The following ARAP1 variants were observed in gnomAD, a reference collection of about 807,000 sequenced individuals.
The protein encoded by ARAP1 is arf-GAP with Rho-GAP domain, ANK repeat and PH domain-containing protein 1.
Under a neutral mutation model 172.2 loss-of-function variants are expected in ARAP1, and 76 were observed. The ratio of observed to expected loss-of-function variants is 0.44; its 90% CI spans 0.37 to 0.53. The LOEUF is 0.53. Ranked by LOEUF, ARAP1 falls within the 20% of genes least tolerant of loss-of-function variation. ARAP1 has a pLI of 0.00. For synonymous variants in ARAP1, 804 were observed against 803.3 expected, an observed-to-expected ratio of 1.00 and a Z score of -0.01; for missense variants, 1,686 against 1,977.5, an observed-to-expected ratio of 0.85 and a Z score of 2.80.
chr11:72,693,241 C>G lies in ARAP1; in HGVS notation c.3954+84G>C. 1 of 1,540,288 alleles carries G rather than the reference C, an allele frequency of 6.5e-7. No individual in the cohort carries two copies. Among genetic ancestry groups the G allele is most frequent in the South Asian group, 1.2e-5 (1 of 82,042 alleles). ...CTGAGAGCCTGTAACGGGAATATTT[C>G]CACTTGCAGACCAAGGGGAATCTCT... On this transcript the variant is annotated intron_variant, in intron 29 of 34. Coordinates refer to ENST00000393609, the MANE Select transcript of ARAP1 (RefSeq NM_001040118.3). The surrounding 1 kb of genome is among the most constrained non-coding windows in gnomAD (Gnocchi z 4.6).
intron 1 of ARAP1, among the ~76,000 whole-genome samples, chr11:72,740,327 T>C (rs989120424): frequency 2.0e-5 from 3 of 152,188 alleles, no homozygotes; most frequent in Admixed American, 2.0e-4. Flanking sequence ...CTAAGGGACA[T>C]GAAAGACCAA....
At chr11:72,751,520 A>G (rs1329023276) in intron 1 of ARAP1, among the ~76,000 whole-genome samples, 2 of 152,076 alleles carry the variant, frequency 1.3e-5, no homozygotes, top group Non-Finnish European at 2.9e-5. Flanking sequence ...GCGAACAGGT[A>G]TCATGAGTGC....
chr11:72,712,158 C>T, intron 7 of ARAP1, 38 bp downstream of exon 7: 2 of 1,531,190 alleles, frequency 1.3e-6, no homozygotes, highest in South Asian at 2.5e-5. Context: ...CCCACCCCCC[C>T]ATGCAGAGCA....
intron 7 of ARAP1, among the ~76,000 whole-genome samples, chr11:72,711,910 T>C (rs1857030512): frequency 6.6e-6 from 1 of 151,918 alleles, no homozygotes; most frequent in Admixed American, 6.6e-5. Flanking sequence ...TTGCCCAGAG[T>C]GGTCTCAAAC....
Position 72,702,982 on chromosome 11 carries a change from G to T in ARAP1, c.2090C>A (p.Ala697Asp). 2 of 1,570,582 alleles carry T rather than the reference G, an allele frequency of 1.3e-6. No homozygotes were observed. The highest frequency in any genetic ancestry group is 1.7e-6 in the Non-Finnish European group (2 of 1,158,982). Residue 697 changes from alanine to aspartate, a missense_variant, in exon 15 of 35, where the codon GCC becomes GAC. By Grantham distance (126) the Ala-to-Asp change is moderately radical. This residue lies in a region of ARAP1 where 688 missense variants were observed against 856.9 expected (regional missense o/e 0.80). Coordinates refer to ENST00000393609, the MANE Select transcript of ARAP1 (RefSeq NM_001040118.3). ...GINCFSGDPE[A>D]PTPLALAEQA... ...CTCTGCAAGAGCCAGGGGCGTGGGG[G>T]CCTCAGGGTCCCCCGAGAAGCAGTT...
chr11:72,730,512 C>A (rs994360725), intron 2 of ARAP1, among the ~76,000 whole-genome samples: 1 of 152,204 alleles, frequency 6.6e-6, no homozygotes, highest in Non-Finnish European at 1.5e-5. Context: ...GTCTGGTCAA[C>A]ATGGTAAAAT....
intron 13 of ARAP1, chr11:72,704,628 C>T: frequency 2.8e-6 from 1 of 360,118 alleles, no homozygotes; most frequent in South Asian, 4.4e-5. Flanking sequence ...GCTGCTGCCC[C>T]ACCCAGTTCC....
At chr11:72,689,906 A>G (rs1855866798) in intron 30 of ARAP1, among the ~76,000 whole-genome samples, 1 of 152,142 alleles carries the variant, frequency 6.6e-6, no homozygotes, top group African/African-American at 2.4e-5. Flanking sequence ...TAAGGAAGAA[A>G]CCTGTAGGCA....
In ARAP1 at chr11:72,699,361, C is replaced by T. The variant is rs1856368505; in HGVS notation, c.2438+56G>A. The T allele has an allele frequency of 6.2e-7, 1 of 1,608,500 alleles. No homozygotes were observed. The highest frequency in any genetic ancestry group is 2.2e-5 in the East Asian group (1 of 44,760). ...CTCTGGGTCTATTTCCCTGTCTCCC[C>T]AGTGGGGGATTGTACCTTATAGCAA... On this transcript the variant is annotated intron_variant, in intron 17 of 34. Transcript: ENST00000393609. This position sits in a 1 kb window ranked among gnomAD's most constrained non-coding sequence, Gnocchi z 4.2.
At chr11:72,722,467 A>G in intron 3 of ARAP1, 2 of 595,962 alleles carry the variant, frequency 3.4e-6, no homozygotes, top group Non-Finnish European at 4.2e-6. Flanking sequence ...AGGCCCTCAC[A>G]GGGTGGATGC....
intron 1 of ARAP1, among the ~76,000 whole-genome samples, chr11:72,740,757 G>A (rs1443833470): frequency 6.6e-6 from 1 of 152,102 alleles, no homozygotes; most frequent in East Asian, 1.9e-4. Flanking sequence ...AGCACAGAGC[G>A]CAGCCCTCAG....
Position 72,695,363 on chromosome 11 carries a change from T to G in ARAP1, c.3576+24A>C, listed in dbSNP as rs769385444. The stretch of plus-strand genomic sequence containing the variant: ...GGCCCAGCCTGATTCTCTAGCCCCT[T>G]GGCTTCTAGGTCCCAGCACCTACCT... On this transcript the variant is annotated intron_variant, in intron 26 of 34. Transcript: ENST00000393609. The surrounding 1 kb of genome is among the most constrained non-coding windows in gnomAD (Gnocchi z 4.4). 107 of 1,613,934 alleles carry G rather than the reference T, an allele frequency of 6.6e-5. No homozygotes were observed. Among genetic ancestry groups the G allele is most frequent in the Non-Finnish European group, 1.7e-6 (2 of 1,179,998 alleles).
intron 2 of ARAP1, among the ~76,000 whole-genome samples, chr11:72,730,772 GC>G (rs1246261488): frequency 1.3e-5 from 2 of 152,214 alleles, no homozygotes; most frequent in Non-Finnish European, 2.9e-5. Context: ...ACTGGCACCT[GC>G]CAGAATTGAC....
chr11:72,685,755 A>G (rs12802369), intron 34 of ARAP1, 74 bp from the exon 35 acceptor site: 833,846 of 1,586,100 alleles, frequency 0.53, 223,582 homozygotes, highest in Middle Eastern at 0.64. Flanking sequence ...AAGCTGCTGC[A>G]GCTGCTGCAG....
chr11:72,695,978 T>A lies in ARAP1; in HGVS notation c.3273-113A>T, dbSNP rs145460427. The A allele has an allele frequency of 1.6e-3, 2,146 of 1,314,422 alleles. 4 individuals are homozygous for A. The highest frequency in any genetic ancestry group is 2.0e-3 in the Non-Finnish European group (1,980 of 981,646). 81.4% of individuals were successfully genotyped at this position (1,314,422 alleles called of 1,614,324 possible). Reference sequence around the variant, plus strand: ...GGTCTGGTCAGAGGGGACCACTGTTTAACAGGGTAGGAACAGTTTTTCTGG... The same window carrying A: ...GGTCTGGTCAGAGGGGACCACTGTTAAACAGGGTAGGAACAGTTTTTCTGG... On this transcript the variant is annotated intron_variant, in intron 23 of 34. Coordinates refer to ENST00000393609, the MANE Select transcript of ARAP1 (RefSeq NM_001040118.3). The surrounding 1 kb of genome is among the most constrained non-coding windows in gnomAD (Gnocchi z 4.4).
At position 72,697,342 on chromosome 11, in the gene ARAP1, C is replaced by G; in HGVS notation, c.2934G>C (p.Val978=). ...GCTCACCGCACTGCGTGATGTAGTC[C>G]ACACAGCGGTACACGATCACCGGGA... ...SDIPVIVYRC[V]DYITQCGLTS... The change falls in exon 21 of 35, where the codon GTG becomes GTC. Residue 978 remains valine, a synonymous_variant. Coordinates refer to ENST00000393609, the MANE Select transcript of ARAP1 (RefSeq NM_001040118.3). 6.3e-7 allele frequency: 1 copy of G among 1,595,914 alleles called. No individual in the cohort carries two copies. Among genetic ancestry groups the G allele is most frequent in the Non-Finnish European group, 8.5e-7 (1 of 1,171,560 alleles).
At chr11:72,685,933 C>CGGAGGGCAATCGG (rs376734720) in intron 34 of ARAP1, 109 bp downstream of exon 34, 1 of 1,591,668 alleles carries the variant, frequency 6.3e-7, no homozygotes, top group Non-Finnish European at 8.6e-7. Context: ...GGGAGGGGGC[C>CGGAGGGCAATCGG]GGAGGGCAAT....
Position 72,696,503 on chromosome 11 carries a change from C to G in ARAP1, c.3272+46G>C, listed in dbSNP as rs762147428. On this transcript the variant is annotated intron_variant, in intron 23 of 34. Transcript: ENST00000393609. Reference sequence around the variant, plus strand: ...GTCAGCCAGGGTGGGGGTAGAAGAACCTTCATCCCATCCCCCCAGAATCTC... The same window carrying G: ...GTCAGCCAGGGTGGGGGTAGAAGAAGCTTCATCCCATCCCCCCAGAATCTC... 6.3e-6 allele frequency: 9 copies of G among 1,436,024 alleles called. No homozygotes were observed. The African/African-American group carries it at 1.2e-4, about 18-fold the overall frequency. 89.0% of individuals were successfully genotyped at this position (1,436,024 alleles called of 1,614,324 possible).
chr11:72,690,826 G>A (rs1855904040), intron 30 of ARAP1, among the ~76,000 whole-genome samples: 1 of 152,128 alleles, frequency 6.6e-6, no homozygotes, highest in Admixed American at 6.5e-5. Flanking sequence ...GGTGCCTCAG[G>A]GTCTTTAACA....
Sources: gnomAD v4.1 joint callset for allele counts (sites outside exome capture counted in the v4.1 genomes callset) on GRCh38, gnomAD v4.1.1 for gene constraint, gnomAD v4.1.1 regional missense constraint, Gnocchi (gnomAD v3.1) non-coding constraint, MANE v1.5 for transcripts, NCBI Gene and HGNC (gene_info 2026-07-23, HGNC 2026-07-21) for gene names.